The following NBEA variants were observed in gnomAD, a reference collection of about 807,000 sequenced individuals.
NBEA encodes the protein lysosomal-trafficking regulator 2.
A neutral mutation model predicts 343.4 loss-of-function variants in NBEA; 44 were observed. That is an observed-to-expected ratio of 0.13 (90% CI 0.10 to 0.16). The LOEUF is 0.16. Ranked by LOEUF, NBEA falls within the 10% of genes least tolerant of loss-of-function variation. NBEA has a pLI of 1.00. For synonymous variants in NBEA, 1,175 were observed against 1,238.7 expected, an observed-to-expected ratio of 0.95 and a Z score of 1.08; for missense variants, 2,555 against 3,631.3, an observed-to-expected ratio of 0.70 and a Z score of 7.62.
intron 48 of NBEA, among the ~76,000 whole-genome samples, chr13:35,622,761 G>A (rs1156939898): frequency 6.6e-6 from 1 of 152,004 alleles, no homozygotes; most frequent in Non-Finnish European, 1.5e-5. Context: ...AAAAAGGGAT[G>A]GGAAATATTT....
chr13:35,381,706 A>C (rs964242373), intron 38 of NBEA, among the ~76,000 whole-genome samples: 1 of 152,222 alleles, frequency 6.6e-6, no homozygotes, highest in East Asian at 1.9e-4. Context: ...TCTGTAAGCA[A>C]CTCAATTTTA....
chr13:35,156,484 C>T (rs1464089815), intron 20 of NBEA, among the ~76,000 whole-genome samples: 7 of 151,900 alleles, frequency 4.6e-5, no homozygotes, highest in Non-Finnish European at 1.5e-5. Context: ...TTTAGTGGTA[C>T]CTATCTATCA....
Position 35,426,163 on chromosome 13 carries a change from G to A in NBEA, c.6180-6106G>A, listed in dbSNP as rs550857496. 2.7e-4 allele frequency among the ~76,000 whole-genome samples: 41 copies of A among 152,194 alleles called. No homozygotes were observed. In the East Asian group the frequency reaches 5.8e-3, roughly 22 times the overall value. On this transcript the variant is annotated intron_variant, in intron 38 of 58. Coordinates refer to ENST00000379939, the MANE Select transcript of NBEA (RefSeq NM_001385012.1). ...CCCATTTACATTCAAAGTTAATATCGTTATGTGTGAATTTGATCCTGTCAT... is the reference window on the plus strand; with the variant it reads ...CCCATTTACATTCAAAGTTAATATCATTATGTGTGAATTTGATCCTGTCAT...
intron 41 of NBEA, among the ~76,000 whole-genome samples, chr13:35,520,760 G>A (rs993988418): frequency 2.0e-5 from 3 of 152,070 alleles, no homozygotes; most frequent in Non-Finnish European, 2.9e-5. Flanking sequence ...GTCTTCTGGC[G>A]TCTCACAACT....
At chr13:35,060,684 G>T (rs1487083949) in intron 8 of NBEA, among the ~76,000 whole-genome samples, 1 of 150,268 alleles carries the variant, frequency 6.7e-6, no homozygotes, top group Non-Finnish European at 1.5e-5. Flanking sequence ...ACCATGACAG[G>T]CATCAGCAAA....
At chr13:35,561,851 G>A (rs766801094) in intron 44 of NBEA, among the ~76,000 whole-genome samples, 5 of 151,964 alleles carry the variant, frequency 3.3e-5, no homozygotes, top group East Asian at 1.9e-4. Context: ...CAAATATCCC[G>A]GAAACGTATT....
In NBEA at chr13:35,036,533, C is replaced by T. The variant is rs148052804; in HGVS notation, c.295-4400C>T. On this transcript the variant is annotated intron_variant, in intron 1 of 58. Coordinates refer to ENST00000379939, the MANE Select transcript of NBEA (RefSeq NM_001385012.1). Reference sequence around the variant, plus strand: ...GTGATCATTTATTGCTTATTAATGCCCTTTTCTTTCTGATTGAAGTACCCC... The same window carrying T: ...GTGATCATTTATTGCTTATTAATGCTCTTTTCTTTCTGATTGAAGTACCCC... 1.5e-3 allele frequency among the ~76,000 whole-genome samples: 226 copies of T among 152,034 alleles called. 1 individual carries two copies. Among genetic ancestry groups the T allele is most frequent in the African/African-American group, 4.9e-3 (205 of 41,528 alleles).
chr13:34,964,494 CT>C (rs1424466286), intron 1 of NBEA, among the ~76,000 whole-genome samples: 4 of 151,934 alleles, frequency 2.6e-5, no homozygotes, highest in Admixed American at 6.6e-5. Context: ...TTTAATTATT[CT>C]TATGGCTCCT....
intron 10 of NBEA, among the ~76,000 whole-genome samples, chr13:35,080,176 TA>T (rs1251388385): frequency 2.0e-5 from 3 of 152,120 alleles, no homozygotes; most frequent in Non-Finnish European, 4.4e-5. Flanking sequence ...CATATAAAAT[TA>T]AAAAATTGTT....
intron 41 of NBEA, among the ~76,000 whole-genome samples, chr13:35,507,468 C>T (rs553245539): frequency 3.3e-5 from 5 of 152,140 alleles, no homozygotes; most frequent in African/African-American, 1.2e-4. Context: ...CTTGAGAGTC[C>T]AATAGATAAA....
In NBEA at chr13:35,452,253, T is replaced by C; in HGVS notation, c.6448+18T>C. 6.5e-7 allele frequency: 1 copy of C among 1,534,874 alleles called. No homozygotes were observed. Among genetic ancestry groups the C allele is most frequent in the East Asian group, 2.5e-5 (1 of 40,810 alleles). On this transcript the variant is annotated intron_variant, in intron 40 of 58. Coordinates refer to ENST00000379939, the MANE Select transcript of NBEA (RefSeq NM_001385012.1). ...CCTTGCAGGTAAATTTTAAAATATA[T>C]TTTTCCTATTTGTTGTAAATAAACA...
At position 35,593,434 on chromosome 13, in the gene NBEA, C is replaced by T; in HGVS notation, c.7283C>T (p.Thr2428Ile). The T allele has an allele frequency of 1.2e-6, 2 of 1,607,590 alleles. No individual in the cohort carries two copies. The highest frequency in any genetic ancestry group is 2.2e-5 in the South Asian group (2 of 89,788). ...ARSWRTSQRD[T>I]SDVKELIPEF... The stretch of plus-strand genomic sequence containing the variant: ...TCTTGGAGAACTAGTCAGAGAGATA[C>T]TTCTGATGTAAAGGTAGGCTCTTTT... Residue 2428 changes from threonine (T) to isoleucine (I), a missense_variant, in exon 47 of 59, where the codon ACT (threonine) becomes ATT (isoleucine). This residue lies in a region of NBEA where 156 missense variants were observed against 185.8 expected (regional missense o/e 0.84). Coordinates refer to ENST00000379939, the MANE Select transcript of NBEA (RefSeq NM_001385012.1).
At chr13:35,032,942 C>T (rs917235284) in intron 1 of NBEA, among the ~76,000 whole-genome samples, 13 of 151,840 alleles carry the variant, frequency 8.6e-5, no homozygotes, top group Admixed American at 5.9e-4. Flanking sequence ...TATTTTCTCC[C>T]ATTCTCTGGA....
intron 12 of NBEA, 84 bp downstream of exon 12, chr13:35,109,526 A>G (rs1290700853): frequency 8.0e-7 from 1 of 1,244,744 alleles, no homozygotes; most frequent in Non-Finnish European, 1.1e-6. Flanking sequence ...AGTGGAAAAC[A>G]TTTGAACATT....
chr13:35,098,441 T>C (rs1396722459), intron 11 of NBEA, 36 bp downstream of exon 11: 1 of 1,440,412 alleles, frequency 6.9e-7, no homozygotes, highest in South Asian at 1.2e-5. Flanking sequence ...ATTGTGTAGC[T>C]TCACAGTTGG....
In NBEA at chr13:35,139,756, T is replaced by TG. The variant is rs1422885261; in HGVS notation, c.2337-2513_2337-2512insG. 1.1e-3 allele frequency among the ~76,000 whole-genome samples: 161 copies of TG among 141,796 alleles called. 1 individual carries two copies. Among genetic ancestry groups the TG allele is most frequent in the Middle Eastern group, 3.5e-3 (1 of 282 alleles). 93.0% of individuals were successfully genotyped at this position (141,796 alleles called of 152,430 possible). A position where few individuals can be genotyped will look rare whatever the true frequency, so the allele number is the denominator to read the frequency against. ...GATGATGGATGGCGTTTTTTTTTTT[T>TG]TTTTTTTTTTTTTTTTATCTCTTGA... On this transcript the variant is annotated intron_variant, in intron 17 of 58. Transcript: ENST00000379939.
At chr13:35,153,035 T>C (rs2068897018) in intron 18 of NBEA, among the ~76,000 whole-genome samples, 1 of 148,202 alleles carries the variant, frequency 6.7e-6, no homozygotes, top group East Asian at 2.0e-4. Flanking sequence ...TTACATAGGT[T>C]CTTTTTTTTT....
chr13:35,637,148 C>A (rs1024045654), intron 49 of NBEA, among the ~76,000 whole-genome samples: 2 of 152,200 alleles, frequency 1.3e-5, no homozygotes, highest in Middle Eastern at 3.4e-3. Flanking sequence ...CCTTTCAAAG[C>A]GATAATGAAG....
intron 1 of NBEA, among the ~76,000 whole-genome samples, chr13:34,957,752 G>A (rs1315654131): frequency 6.6e-6 from 1 of 151,972 alleles, no homozygotes; most frequent in African/African-American, 2.4e-5. Context: ...CAACCCCTTT[G>A]TTTTTGTATT....
Sources: allele counts gnomAD v4.1 joint callset (sites outside exome capture counted in the v4.1 genomes callset), GRCh38; gene constraint gnomAD v4.1.1; regional missense constraint gnomAD v4.1.1; transcripts MANE v1.5; gene names NCBI Gene and HGNC (gene_info 2026-07-23, HGNC 2026-07-21).